SKAP1: variants seen among roughly 807,000 people sequenced by gnomAD.
SKAP1 encodes src kinase associated phosphoprotein 1.
SKAP1 carries 44 observed loss-of-function variants against 58.5 expected under a neutral mutation model. The ratio of observed to expected loss-of-function variants is 0.75; its 90% CI spans 0.59 to 0.97. The LOEUF is 0.97. SKAP1 is among the 50% of genes least tolerant of loss of function. The pLI, the probability that SKAP1 is intolerant of heterozygous loss-of-function variation, is 0.00. For synonymous variants in SKAP1, 127 were observed against 149.7 expected (o/e 0.85, Z 1.11); for missense variants, 390 against 435.2 (o/e 0.90, Z 0.92).
intron 11 of SKAP1, among the ~76,000 whole-genome samples, chr17:48,149,635 T>C (rs1469431660): frequency 6.6e-6 from 1 of 152,120 alleles, no homozygotes; most frequent in Admixed American, 6.5e-5. Context: ...CTTTTCACCC[T>C]ACCCTCGGTG....
At chr17:48,220,453 AT>A (rs1469688971) in intron 4 of SKAP1, among the ~76,000 whole-genome samples, 1 of 152,228 alleles carries the variant, frequency 6.6e-6, no homozygotes, top group Non-Finnish European at 1.5e-5. Flanking sequence ...ACACAAAAGT[AT>A]ATATAGTATG....
chr17:48,221,452 C>G (rs2065005524), intron 4 of SKAP1, among the ~76,000 whole-genome samples: 2 of 152,136 alleles, frequency 1.3e-5, no homozygotes, highest in East Asian at 3.8e-4. Context: ...ACAGTTTCTC[C>G]TTGAGTAAAG....
chr17:48,405,392 C>CTTT (rs1491435155), intron 1 of SKAP1, among the ~76,000 whole-genome samples: 38 of 107,368 alleles, frequency 3.5e-4, no homozygotes, highest in African/African-American at 1.1e-3. Flanking sequence ...TTTTCTCTTT[C>CTTT]CTTTCTTTCT....
intron 11 of SKAP1, among the ~76,000 whole-genome samples, chr17:48,162,032 C>G (rs964676252): frequency 6.6e-6 from 1 of 151,984 alleles, no homozygotes; most frequent in African/African-American, 2.4e-5. Flanking sequence ...GTGGCGTGAT[C>G]TTAGCTCACT....
At chr17:48,136,177 T>TC (rs200620402) in intron 12 of SKAP1, among the ~76,000 whole-genome samples, 104 of 145,130 alleles carry the variant, frequency 7.2e-4, no homozygotes, top group African/African-American at 2.4e-3. Flanking sequence ...TTTCTCTCTC[T>TC]TTTTTTTTTT....
intron 4 of SKAP1, among the ~76,000 whole-genome samples, chr17:48,189,713 C>T (rs2064511470): frequency 6.6e-6 from 1 of 151,520 alleles, no homozygotes; most frequent in Non-Finnish European, 1.5e-5. Flanking sequence ...TGGTCTGTCA[C>T]CCAGGCTGGA....
At chr17:48,409,144 C>T (rs756826842) in intron 1 of SKAP1, among the ~76,000 whole-genome samples, 1 of 152,186 alleles carries the variant, frequency 6.6e-6, no homozygotes, top group African/African-American at 2.4e-5. Flanking sequence ...ACACACCTAG[C>T]AAGTGGTGCA....
At chr17:48,339,125 T>C (rs1254060072) in intron 4 of SKAP1, among the ~76,000 whole-genome samples, 1 of 152,202 alleles carries the variant, frequency 6.6e-6, no homozygotes, top group Non-Finnish European at 1.5e-5. Context: ...AACACAGACA[T>C]GGATATAAGT....
At chr17:48,339,372 T>A (rs2066616803) in intron 4 of SKAP1, among the ~76,000 whole-genome samples, 1 of 152,226 alleles carries the variant, frequency 6.6e-6, no homozygotes, top group Non-Finnish European at 1.5e-5. Flanking sequence ...TTGAATCATT[T>A]TCATTATCTT....
At chr17:48,179,025 G>C (rs1323664275) in intron 9 of SKAP1, among the ~76,000 whole-genome samples, 1 of 151,882 alleles carries the variant, frequency 6.6e-6, no homozygotes, top group Non-Finnish European at 1.5e-5. Context: ...GGAGAGGGTT[G>C]GACGCTCTTC....
intron 4 of SKAP1, among the ~76,000 whole-genome samples, chr17:48,256,519 C>A (rs1171016121): frequency 6.6e-6 from 1 of 152,064 alleles, no homozygotes; most frequent in Non-Finnish European, 1.5e-5. Context: ...CACACTGTTA[C>A]ATTGACAATG....
intron 4 of SKAP1, among the ~76,000 whole-genome samples, chr17:48,305,420 T>C (rs1227800784): frequency 6.6e-6 from 1 of 152,200 alleles, no homozygotes; most frequent in Non-Finnish European, 1.5e-5. Flanking sequence ...ACTTGCACAC[T>C]ATGATATATT....
chr17:48,366,997 T>C (rs2067012194), intron 2 of SKAP1, among the ~76,000 whole-genome samples: 1 of 152,198 alleles, frequency 6.6e-6, no homozygotes, highest in Non-Finnish European at 1.5e-5. Context: ...AATTGTTAAA[T>C]AGGCAAAGTA....
rs34581074 is a variant in SKAP1 at position 48,166,868 on chromosome 17, C to CTT, written c.877+3739_877+3740dup. Among the ~76,000 whole-genome samples the CTT allele has an allele frequency of 2.8e-4, 41 of 147,090 alleles. 2 individuals are homozygous for CTT. The South Asian group carries it at 6.8e-3, about 24-fold the overall frequency. On this transcript the variant is annotated intron_variant, in intron 10 of 12. Coordinates refer to ENST00000336915, the MANE Select transcript of SKAP1 (RefSeq NM_003726.4). ...TTCAAGTAAACTCTGACAATTTTTC[C>CTT]TTTTTTTTTTTTCTGAAATAGGGTC... is the stretch of plus-strand genomic sequence containing the variant.
intron 4 of SKAP1, among the ~76,000 whole-genome samples, chr17:48,217,530 C>T (rs2143706474): frequency 6.6e-6 from 1 of 152,052 alleles, no homozygotes; most frequent in South Asian, 2.1e-4. Context: ...ACCTGTAGTC[C>T]CAGCTGCTCG....
At chr17:48,371,654 C>CAAAAAAAAAAAAA (rs71141985) in intron 2 of SKAP1, among the ~76,000 whole-genome samples, 4 of 37,918 alleles carry the variant, frequency 1.1e-4, no homozygotes, top group African/African-American at 1.3e-4. Flanking sequence ...CTTGTCTCCA[C>CAAAAAAAAAAAAA]AAAAAAAAAA....
chr17:48,345,350 G>A (rs1490321802), intron 4 of SKAP1, among the ~76,000 whole-genome samples: 1 of 152,164 alleles, frequency 6.6e-6, no homozygotes, highest in African/African-American at 2.4e-5. Flanking sequence ...AAATATTCAA[G>A]TAAAATTGAT....
intron 4 of SKAP1, among the ~76,000 whole-genome samples, chr17:48,333,328 T>C (rs1225853050): frequency 3.9e-5 from 6 of 152,150 alleles, no homozygotes; most frequent in Admixed American, 3.9e-4. Context: ...ACAAAAAGGC[T>C]GACAGAAGGC....
intron 4 of SKAP1, among the ~76,000 whole-genome samples, chr17:48,314,518 C>A (rs1310336896): frequency 6.6e-6 from 1 of 151,916 alleles, no homozygotes; most frequent in Non-Finnish European, 1.5e-5. Context: ...AAGGCCTCAG[C>A]AAACAGGGAG....
Sources: allele counts gnomAD v4.1 joint callset (sites outside exome capture counted in the v4.1 genomes callset), GRCh38; gene constraint gnomAD v4.1.1; transcripts MANE v1.5; gene names NCBI Gene and HGNC (gene_info 2026-07-23, HGNC 2026-07-21).